The following PTPRD variants were observed in gnomAD, a reference collection of about 807,000 sequenced individuals.
The protein encoded by PTPRD is receptor-type tyrosine-protein phosphatase delta.
PTPRD carries 34 observed loss-of-function variants against 214.5 expected under a neutral mutation model. That is an observed-to-expected ratio of 0.16 (90% CI 0.12 to 0.21). The LOEUF (loss-of-function observed/expected upper bound fraction) is 0.21, where lower values mean the gene tolerates loss of function less well. PTPRD is among the 10% of genes least tolerant of loss of function. The probability of loss-of-function intolerance (pLI) is 1.00; values close to 1 mark genes in which losing one functional copy is unlikely to be tolerated. For synonymous variants in PTPRD, 1,128 were observed against 845.7 expected (o/e 1.33, Z -5.79); for missense variants, 2,545 against 2,398.7 (o/e 1.06, Z -1.27).
intron 10 of PTPRD, among the ~76,000 whole-genome samples, chr9:9,128,655 A>G (rs1017333523): frequency 1.3e-5 from 2 of 152,222 alleles, no homozygotes; most frequent in Non-Finnish European, 2.9e-5. Flanking sequence ...TTGAGTGTTC[A>G]TGTATACAAT....
chr9:10,109,267 G>A (rs1270702474), intron 3 of PTPRD, among the ~76,000 whole-genome samples: 1 of 152,162 alleles, frequency 6.6e-6, no homozygotes, highest in African/African-American at 2.4e-5. Flanking sequence ...TACGGATGCA[G>A]AGAAGAGGAC....
At chr9:9,130,585 C>G (rs976447875) in intron 10 of PTPRD, among the ~76,000 whole-genome samples, 1 of 152,104 alleles carries the variant, frequency 6.6e-6, no homozygotes, top group South Asian at 2.1e-4. Flanking sequence ...TATATATTCT[C>G]TTTCATCTAT....
intron 9 of PTPRD, among the ~76,000 whole-genome samples, chr9:9,373,698 T>G (rs2060096769): frequency 6.6e-6 from 1 of 152,096 alleles, no homozygotes; most frequent in Admixed American, 6.6e-5. Context: ...AATTTGTGAT[T>G]ACATTAGAGC....
At chr9:9,659,877 G>A (rs991442202) in intron 7 of PTPRD, among the ~76,000 whole-genome samples, 4 of 151,886 alleles carry the variant, frequency 2.6e-5, no homozygotes, top group Non-Finnish European at 5.9e-5. Context: ...TGGAGATGAG[G>A]ATACCTAAAA....
intron 5 of PTPRD, among the ~76,000 whole-genome samples, chr9:9,778,782 T>G (rs1393388633): frequency 1.3e-5 from 2 of 152,068 alleles, no homozygotes; most frequent in Non-Finnish European, 2.9e-5. Flanking sequence ...GCCTCCAGGC[T>G]ATGGCACAAA....
At chr9:8,472,975 G>A (rs2040092581) in intron 30 of PTPRD, among the ~76,000 whole-genome samples, 1 of 152,136 alleles carries the variant, frequency 6.6e-6, no homozygotes, top group African/African-American at 2.4e-5. Context: ...AACCAGAGGT[G>A]CTCAGCACAG....
At chr9:9,575,406 C>T (rs1438085073) in intron 7 of PTPRD, among the ~76,000 whole-genome samples, 2 of 151,806 alleles carry the variant, frequency 1.3e-5, no homozygotes, top group Non-Finnish European at 2.9e-5. Context: ...CAGTTAGTTA[C>T]CATTGTGTGT....
At chr9:9,171,461 A>C (rs2099917092) in intron 10 of PTPRD, among the ~76,000 whole-genome samples, 1 of 151,636 alleles carries the variant, frequency 6.6e-6, no homozygotes, top group Non-Finnish European at 1.5e-5. Flanking sequence ...CTTCAAGTAA[A>C]GAGAAAGAGC....
intron 9 of PTPRD, among the ~76,000 whole-genome samples, chr9:9,334,319 T>A (rs1277424594): frequency 6.6e-6 from 1 of 151,996 alleles, no homozygotes; most frequent in Non-Finnish European, 1.5e-5. Flanking sequence ...GAGAAGTATT[T>A]ATGTCTAGGT....
At chr9:10,278,915 C>T (rs983528377) in intron 3 of PTPRD, among the ~76,000 whole-genome samples, 1 of 152,078 alleles carries the variant, frequency 6.6e-6, no homozygotes, top group Admixed American at 6.6e-5. Context: ...GCTGGGACTA[C>T]AGGCACACAC....
intron 32 of PTPRD, among the ~76,000 whole-genome samples, chr9:8,461,869 C>T (rs990947784): frequency 2.6e-5 from 4 of 151,836 alleles, no homozygotes; most frequent in African/African-American, 9.7e-5. Flanking sequence ...AGGCTGGTCT[C>T]GAACTCCTGG....
intron 2 of PTPRD, among the ~76,000 whole-genome samples, chr9:10,500,897 C>T (rs546629019): frequency 2.8e-4 from 43 of 151,902 alleles, no homozygotes; most frequent in African/African-American, 1.0e-3. Context: ...GAATAGTGTT[C>T]CCTTTTGTAT....
At chr9:8,647,260 T>G (rs1185685168) in intron 12 of PTPRD, among the ~76,000 whole-genome samples, 1 of 152,236 alleles carries the variant, frequency 6.6e-6, no homozygotes, top group East Asian at 1.9e-4. Context: ...AATTTTTAAG[T>G]AAAATGACTT....
At chr9:10,284,729 T>C (rs1484443732) in intron 3 of PTPRD, among the ~76,000 whole-genome samples, 1 of 152,146 alleles carries the variant, frequency 6.6e-6, no homozygotes, top group African/African-American at 2.4e-5. Context: ...CCAGGATTCA[T>C]TTCCTTGCAG....
intron 26 of PTPRD, among the ~76,000 whole-genome samples, chr9:8,493,315 A>G (rs1348566202): frequency 6.6e-6 from 1 of 152,196 alleles, no homozygotes; most frequent in Admixed American, 6.5e-5. Context: ...TCCATTTCCC[A>G]TCTGAATGTT....
At chr9:9,518,764 T>C (rs1010123078) in intron 8 of PTPRD, among the ~76,000 whole-genome samples, 4 of 151,824 alleles carry the variant, frequency 2.6e-5, no homozygotes, top group African/African-American at 9.7e-5. Flanking sequence ...AGTAGAATTC[T>C]AAGACAGAAG....
intron 36 of PTPRD, among the ~76,000 whole-genome samples, chr9:8,403,595 A>C (rs1489791091): frequency 6.6e-6 from 1 of 152,218 alleles, no homozygotes; most frequent in African/African-American, 2.4e-5. Flanking sequence ...GGGATTTATC[A>C]TTGGAAAAAT....
intron 8 of PTPRD, among the ~76,000 whole-genome samples, chr9:9,402,742 A>T (rs75698981): frequency 2.0e-5 from 3 of 151,484 alleles, no homozygotes; most frequent in Admixed American, 6.6e-5. Context: ...TATCAAAAAA[A>T]AAGACAATTT....
rs932083769 is a variant in PTPRD at position 10,136,755 on chromosome 9, G to C, written c.-544-102965C>G. Among the ~76,000 whole-genome samples the C allele has an allele frequency of 5.4e-5, 4 of 74,102 alleles. 1 individual carries two copies. Among genetic ancestry groups the C allele is most frequent in the Non-Finnish European group, 9.9e-5 (4 of 40,438 alleles). The allele number at this position is 74,102 out of a possible 152,430, so 48.6% of individuals were successfully genotyped here. A position where few individuals can be genotyped will look rare whatever the true frequency, so the allele number is the denominator to read the frequency against. ...CAGCAAAAGAAACTACCATCAGAGT[G>C]AACAGGCAACCTACAACATGGGAGA... On this transcript the variant is annotated intron_variant, in intron 3 of 45. Coordinates refer to ENST00000381196, the MANE Select transcript of PTPRD (RefSeq NM_002839.4).
Sources: allele counts gnomAD v4.1 joint callset (sites outside exome capture counted in the v4.1 genomes callset), GRCh38; gene constraint gnomAD v4.1.1; transcripts MANE v1.5; gene names NCBI Gene and HGNC (gene_info 2026-07-23, HGNC 2026-07-21).